Variants in PLXNA3 observed in about 807,000 individuals in gnomAD.
PLXNA3 encodes plexin A3.
A neutral mutation model predicts 118.8 loss-of-function variants in PLXNA3; 52 were observed. The observed-to-expected ratio is 0.44, with a 90% CI of 0.35 to 0.55. PLXNA3 has a LOEUF of 0.55. Ranked by LOEUF, PLXNA3 falls within the 20% of genes least tolerant of loss-of-function variation. The pLI is 0.01. For missense variants in PLXNA3, 1,660 were observed against 1,730.8 expected, an observed-to-expected ratio of 0.96 and a Z score of 0.73; for synonymous variants, 925 against 762.4, an observed-to-expected ratio of 1.21 and a Z score of -3.51.
At position 154,475,561 on chromosome X, in the gene PLXNA3, C is replaced by A; in HGVS notation, c.*2876C>A. ...GTGGTTATAGGACCGTAGGTGTTTACCAAAACTAGACAAGTCCACATAACA... is the reference window on the plus strand; with the variant it reads ...GTGGTTATAGGACCGTAGGTGTTTAACAAAACTAGACAAGTCCACATAACA... On this transcript the variant is annotated 3_prime_UTR_variant, in exon 33 of 33. Coordinates refer to ENST00000369682, the MANE Select transcript of PLXNA3 (RefSeq NM_017514.5). 8.9e-6 allele frequency: 1 copy of A among 111,827 alleles called. No homozygotes were observed. The highest frequency in any genetic ancestry group is 3.3e-5 in the African/African-American group (1 of 30,753). 9.2% of individuals were successfully genotyped at this position (111,827 alleles called of 1,213,427 possible). A position where few individuals can be genotyped will look rare whatever the true frequency, so the allele number is the denominator to read the frequency against.
intron 30 of PLXNA3, 89 bp from the exon 31 acceptor site, chrX:154,471,016 C>T (rs1400662084): frequency 1.1e-4 from 82 of 729,710 alleles, no homozygotes; most frequent in South Asian, 4.3e-4. Context: ...AGATGTGAGC[C>T]GGCCCGACAG....
intron 3 of PLXNA3, 65 bp downstream of exon 3, chrX:154,461,703 G>A (rs1390944914): frequency 9.6e-7 from 1 of 1,039,616 alleles, no homozygotes; most frequent in Non-Finnish European, 1.3e-6. Context: ...CCCAGCGTGG[G>A]CTCACGGCCA....
chrX:154,460,029 C>T (rs146618130), intron 1 of PLXNA3, 128 bp from the exon 2 acceptor site: 16,184 of 441,297 alleles, frequency 0.037, 272 homozygotes, highest in Admixed American at 0.074. Flanking sequence ...CTCACTCATG[C>T]GCCCTGGCGG....
chrX:154,468,773 C>T (rs781820892), intron 24 of PLXNA3, 44 bp downstream of exon 24: 14 of 1,209,396 alleles, frequency 1.2e-5, no homozygotes, highest in Middle Eastern at 2.3e-4. Flanking sequence ...GGCAGAGGAC[C>T]GGCCAGTGGT....
chrX:154,471,652 C>T lies in PLXNA3; in HGVS notation c.5520+14C>T. 8.4e-7 allele frequency: 1 copy of T among 1,190,446 alleles called. No homozygotes were observed. The highest frequency in any genetic ancestry group is 1.8e-5 in the South Asian group (1 of 55,291). ...TACCGCCAGGAGGTGTGTGTCATCC[C>T]CACAGACTCCCAGTTACTTGGTCCT... On this transcript the variant is annotated intron_variant, in intron 32 of 32. Coordinates refer to ENST00000369682, the MANE Select transcript of PLXNA3 (RefSeq NM_017514.5).
Position 154,465,085 on chromosome X carries a change from T to A in PLXNA3, c.2111T>A (p.Leu704Ter). 2.5e-6 allele frequency: 3 copies of A among 1,209,870 alleles called. No homozygotes were observed. The highest frequency in any genetic ancestry group is 3.4e-6 in the Non-Finnish European group (3 of 894,799). ...GTTGGGGTCATGCAGCCTCTTACCT[T>A]GCGGGCTAAGAACCTACCTCAGCCG... ...IPVGVMQPLT[L>*]RAKNLPQPQS... Residue 704 changes from leucine to a stop codon, truncating the protein, a stop_gained, in exon 11 of 33, where the codon TTG (leucine) becomes TAG (stop). Transcript: ENST00000369682. LOFTEE classifies it high-confidence loss of function.
rs2069112661 is a variant in PLXNA3 at position 154,467,693 on chromosome X, G to A, written c.3585+5G>A. ...ACTGGCCGGCAGCCTGTCATGGTAG[G>A]TGGGGATGGGGAGACCCCCTGGGCA... On this transcript the variant is annotated splice_donor_5th_base_variant and intron_variant, in intron 20 of 32. Coordinates refer to ENST00000369682, the MANE Select transcript of PLXNA3 (RefSeq NM_017514.5). The A allele has an allele frequency of 1.7e-6, 2 of 1,208,477 alleles. No individual in the cohort carries two copies. The highest frequency in any genetic ancestry group is 1.7e-5 in the African/African-American group (1 of 57,887).
intron 2 of PLXNA3, 62 bp from the exon 3 acceptor site, chrX:154,461,037 C>CGA: frequency 1.0e-6 from 1 of 992,574 alleles, no homozygotes; most frequent in Non-Finnish European, 1.4e-6. Flanking sequence ...GGGAAGCTGG[C>CGA]GGTGGCCCGT....
intron 30 of PLXNA3, 162 bp downstream of exon 30, chrX:154,470,773 G>A: frequency 2.0e-6 from 1 of 505,068 alleles, no homozygotes; most frequent in Non-Finnish European, 3.3e-6. Flanking sequence ...CAAGGGGCCT[G>A]TTGCGTCCAG....
rs2069167148 is a variant in PLXNA3 at position 154,470,429 on chromosome X, C to G, written c.4987-13C>G. ...GGCTCCCTCATAGCCTGTGACCTCT[C>G]TGCCCCACACAGGGCACACTGCAGA... On this transcript the variant is annotated splice_polypyrimidine_tract_variant and intron_variant, in intron 29 of 32. Coordinates refer to ENST00000369682, the MANE Select transcript of PLXNA3 (RefSeq NM_017514.5). The G allele has an allele frequency of 8.3e-7, 1 of 1,202,054 alleles. No individual in the cohort carries two copies. Among genetic ancestry groups the G allele is most frequent in the Admixed American group, 2.2e-5 (1 of 45,677 alleles).
chrX:154,462,071 C>A, intron 3 of PLXNA3, 57 bp from the exon 4 acceptor site: 1 of 1,009,339 alleles, frequency 9.9e-7, no homozygotes. Flanking sequence ...GAACTGCCGG[C>A]CTCCATCTTG....
chrX:154,466,371 C>T lies in PLXNA3; in HGVS notation c.2800-5C>T, dbSNP rs782506990. ...CTCCTCCCCTCAGGGCAGCTTCTCC[C>T]GCAGACCCCAACGTTTGACCAAGTG... is the stretch of plus-strand genomic sequence containing the variant. On this transcript the variant is annotated splice_region_variant and splice_polypyrimidine_tract_variant and intron_variant, in intron 15 of 32. Coordinates refer to ENST00000369682, the MANE Select transcript of PLXNA3 (RefSeq NM_017514.5). 86 of 1,210,557 alleles carry T rather than the reference C, an allele frequency of 7.1e-5. No individual in the cohort carries two copies. Among genetic ancestry groups the T allele is most frequent in the South Asian group, 3.2e-4 (18 of 56,907 alleles).
At chrX:154,460,079 C>T in intron 1 of PLXNA3, 78 bp from the exon 2 acceptor site, 2 of 552,823 alleles carry the variant, frequency 3.6e-6, no homozygotes, top group South Asian at 5.7e-5. Flanking sequence ...CCATCTGGGG[C>T]TTTGGCGGGG....
intron 3 of PLXNA3, 36 bp downstream of exon 3, chrX:154,461,674 C>G (rs782769042): frequency 1.8e-6 from 2 of 1,130,750 alleles, no homozygotes; most frequent in East Asian, 3.0e-5. Context: ...GTCCTCTGCC[C>G]TGTCCCAGGT....
At chrX:154,460,845 C>T (rs910929374) in intron 2 of PLXNA3, 68 bp downstream of exon 2, 1 of 853,152 alleles carries the variant, frequency 1.2e-6, no homozygotes, top group Non-Finnish European at 1.6e-6. Context: ...GAGCCCTGTT[C>T]TTTCTGAGAG....
chrX:154,467,029 G>A, intron 17 of PLXNA3, 28 bp from the exon 18 acceptor site: 3 of 1,161,464 alleles, frequency 2.6e-6, no homozygotes, highest in Non-Finnish European at 3.5e-6. Context: ...CTGGAGGAGG[G>A]AGCCTGAGGC....
chrX:154,464,430 T>A lies in PLXNA3; in HGVS notation c.1857T>A (p.Leu619=). Residue 619 remains leucine, a synonymous_variant, in exon 9 of 33, where the codon CTT becomes CTA. Coordinates refer to ENST00000369682, the MANE Select transcript of PLXNA3 (RefSeq NM_017514.5). ...CCACCCGCACTGTGCGGCTGCAGCT[T>A]CTCTCCAAGGAGACAGGCGTGAGGT... ...HGATRTVRLQ[L]LSKETGVRFA... is the part of the protein sequence containing the mutation. The A allele has an allele frequency of 3.3e-6, 4 of 1,211,212 alleles. No homozygotes were observed. The highest frequency in any genetic ancestry group is 4.5e-6 in the Non-Finnish European group (4 of 895,170).
At chrX:154,463,716 G>T (rs1557205738) in intron 6 of PLXNA3, 26 bp downstream of exon 6, 3 of 1,119,709 alleles carry the variant, frequency 2.7e-6, no homozygotes, top group African/African-American at 1.8e-5. Flanking sequence ...CCTGCTCGGG[G>T]AGTTGGAGGG....
At chrX:154,459,565 C>T (rs2148241487) in intron 1 of PLXNA3, among the ~76,000 whole-genome samples, 1 of 112,530 alleles carries the variant, frequency 8.9e-6, no homozygotes, top group Non-Finnish European at 1.9e-5. Context: ...CGCGACTTGG[C>T]TTTGTGTTGC....
Sources: gnomAD v4.1 joint callset for allele counts (sites outside exome capture counted in the v4.1 genomes callset) on GRCh38, gnomAD v4.1.1 for gene constraint, MANE v1.5 for transcripts, NCBI Gene and HGNC (gene_info 2026-07-23, HGNC 2026-07-21) for gene names.